Variants in ATP10A observed in about 807,000 individuals in gnomAD.
ATP10A encodes the protein phospholipid-transporting ATPase VA.
A neutral mutation model predicts 147.8 loss-of-function variants in ATP10A; 111 were observed. The ratio of observed to expected loss-of-function variants is 0.75; its 90% CI spans 0.64 to 0.88. The LOEUF (loss-of-function observed/expected upper bound fraction) is 0.88. Ranked by LOEUF, ATP10A falls within the 40% of genes least tolerant of loss-of-function variation. ATP10A has a pLI of 0.00. For synonymous variants in ATP10A, 875 were observed against 841.6 expected (o/e 1.04, Z -0.69); for missense variants, 1,927 against 1,959.0 (o/e 0.98, Z 0.31).
chr15:25,776,142 AAT>A, intron 2 of ATP10A, among the ~76,000 whole-genome samples: 1 of 152,354 alleles, frequency 6.6e-6, no homozygotes, highest in South Asian at 2.1e-4. Flanking sequence ...TTTTATATAA[AAT>A]TATCAGTCTA....
chr15:25,705,092 A>T (rs1220720869), intron 12 of ATP10A, among the ~76,000 whole-genome samples: 1 of 152,190 alleles, frequency 6.6e-6, no homozygotes, highest in East Asian at 1.9e-4. Flanking sequence ...GCATGGAGAG[A>T]ACGGAGATCC....
chr15:25,821,783 C>T (rs1567409748), intron 1 of ATP10A, among the ~76,000 whole-genome samples: 1 of 152,198 alleles, frequency 6.6e-6, no homozygotes, highest in Non-Finnish European at 1.5e-5. Context: ...TTGGGACAAA[C>T]ATGGGACACA....
In ATP10A at chr15:25,863,019, C is replaced by A. The variant is rs557991717; in HGVS notation, c.78G>T (p.Thr26=). The A allele has an allele frequency of 3.7e-4, 502 of 1,339,666 alleles. 2 individuals are homozygous for A. In the African/African-American group the frequency reaches 6.9e-3, roughly 19 times the overall value. 83.0% of individuals were successfully genotyped at this position (1,339,666 alleles called of 1,614,324 possible). A position where few individuals can be genotyped will look rare whatever the true frequency, so the allele number is the denominator to read the frequency against. ...GGGGCGGCAGCAGGTTGGAGCGCACCGTGCGCGTCCTGCCCTCTCGGCGCC... is the reference window on the plus strand; with the variant it reads ...GGGGCGGCAGCAGGTTGGAGCGCACAGTGCGCGTCCTGCCCTCTCGGCGCC... ...RRRRREGRTR[T]VRSNLLPPPG... is the part of the protein sequence containing the mutation. Residue 26 remains threonine (T), a synonymous_variant, in exon 1 of 21, where the codon ACG becomes ACT. Transcript: ENST00000555815.
At position 25,695,104 on chromosome 15, in the gene ATP10A, G is replaced by A; in HGVS notation, c.2803C>T (p.Gln935Ter). Residue 935 changes from glutamine to a stop codon, truncating the protein, a stop_gained, in exon 14 of 21, where the codon CAG (glutamine) becomes TAG (stop). Coordinates refer to ENST00000555815, the MANE Select transcript of ATP10A (RefSeq NM_024490.4). LOFTEE classifies it high-confidence loss of function. ...GGGGCTCTCTGGAGGCCTCTGGACTGCACGTAGCATAGGCACTGGTCTAGC... is the reference window on the plus strand; with the variant it reads ...GGGGCTCTCTGGAGGCCTCTGGACTACACGTAGCATAGGCACTGGTCTAGC... ...ALLDQCLCYVQSRGLQRAPEK... is the reference protein window; with the variant it reads ...ALLDQCLCYV 6.2e-7 allele frequency: 1 copy of A among 1,614,092 alleles called. No individual in the cohort carries two copies. The highest frequency in any genetic ancestry group is 8.5e-7 in the Non-Finnish European group (1 of 1,179,982).
Position 25,686,438 on chromosome 15 carries a change from A to G in ATP10A, c.3291+1265T>C, listed in dbSNP as rs1439813787. 1.9e-5 allele frequency among the ~76,000 whole-genome samples: 2 copies of G among 106,642 alleles called. 1 individual carries two copies. The highest frequency in any genetic ancestry group is 3.4e-5 in the Non-Finnish European group (2 of 59,360). The allele number at this position is 106,642 out of a possible 152,430, so 70.0% of individuals were successfully genotyped here. ...GAAGTTGAGGCTGCAGTAAGCTATG[A>G]TGGTGCCACTGCACTCCAGCCTGGG... is the stretch of plus-strand genomic sequence containing the variant. On this transcript the variant is annotated intron_variant, in intron 16 of 20. Transcript: ENST00000555815.
chr15:25,719,754 C>T (rs950793422), intron 7 of ATP10A, among the ~76,000 whole-genome samples: 2 of 152,078 alleles, frequency 1.3e-5, no homozygotes, highest in Non-Finnish European at 2.9e-5. Flanking sequence ...CAGGTAATGC[C>T]CCCTCCTGGG....
chr15:25,775,237 A>G (rs1889544225), intron 2 of ATP10A, among the ~76,000 whole-genome samples: 2 of 152,220 alleles, frequency 1.3e-5, no homozygotes, highest in Non-Finnish European at 2.9e-5. Flanking sequence ...GATAGAGACA[A>G]TTTTGGAAGC....
chr15:25,679,436 G>A lies in ATP10A; in HGVS notation c.4405C>T (p.Arg1469Cys), dbSNP rs147041252. ...TEQLADGQAGRGLPVQPHSGR... is the reference protein window; with the variant it reads ...TEQLADGQAGCGLPVQPHSGR... ...GAGTGGGGCTGGACAGGAAGTCCAC[G>A]TCCCGCTTGTCCATCTGCAAGCTGC... The change falls in exon 21 of 21, where the codon CGT becomes TGT. Residue 1469 changes from arginine (R) to cysteine (C), a missense_variant. Coordinates refer to ENST00000555815, the MANE Select transcript of ATP10A (RefSeq NM_024490.4). 244 of 1,613,952 alleles carry A rather than the reference G, an allele frequency of 1.5e-4. No homozygotes were observed. The highest frequency in any genetic ancestry group is 9.9e-4 in the Middle Eastern group (6 of 6,062).
intron 1 of ATP10A, among the ~76,000 whole-genome samples, chr15:25,786,705 A>C (rs1890181224): frequency 2.3e-5 from 3 of 129,812 alleles, no homozygotes; most frequent in South Asian, 2.5e-4. Flanking sequence ...GGCTCACTGC[A>C]AGCTCCGCCT....
At chr15:25,786,617 CTTTTTTTTT>C (rs35892408) in intron 1 of ATP10A, among the ~76,000 whole-genome samples, 3 of 68,868 alleles carry the variant, frequency 4.4e-5, no homozygotes, top group African/African-American at 1.3e-4. Context: ...TCATTATCAT[CTTTTTTTTT>C]TTTTTTTTTT....
intron 2 of ATP10A, among the ~76,000 whole-genome samples, chr15:25,747,648 T>C (rs1887918214): frequency 6.6e-6 from 1 of 152,110 alleles, no homozygotes; most frequent in South Asian, 2.1e-4. Context: ...AAAGGACAGA[T>C]TAATAGAAAA....
chr15:25,691,370 G>A (rs1222794557), intron 15 of ATP10A, among the ~76,000 whole-genome samples: 2 of 152,232 alleles, frequency 1.3e-5, no homozygotes, highest in East Asian at 1.9e-4. Context: ...GTATTGCTCC[G>A]TGTTCACGGA....
At chr15:25,825,056 C>T (rs914265104) in intron 1 of ATP10A, among the ~76,000 whole-genome samples, 2 of 152,120 alleles carry the variant, frequency 1.3e-5, no homozygotes, top group African/African-American at 4.8e-5. Flanking sequence ...AACCAGCTAC[C>T]GAAGGGCAAA....
At chr15:25,686,244 G>A (rs1403986569) in intron 16 of ATP10A, among the ~76,000 whole-genome samples, 2 of 119,368 alleles carry the variant, frequency 1.7e-5, no homozygotes, top group Non-Finnish European at 3.2e-5. Flanking sequence ...AGAAAGGCAG[G>A]TGTAGCCTCC....
intron 13 of ATP10A, among the ~76,000 whole-genome samples, chr15:25,695,470 T>C (rs550426403): frequency 8.6e-5 from 13 of 151,880 alleles, no homozygotes; most frequent in African/African-American, 1.9e-4. Flanking sequence ...CTACTAAAAA[T>C]ACAAAAAAAT....
intron 3 of ATP10A, among the ~76,000 whole-genome samples, chr15:25,730,635 G>C (rs112852555): frequency 0.015 from 2,335 of 152,258 alleles, 59 homozygotes; most frequent in African/African-American, 0.053. Flanking sequence ...TATGAATCAG[G>C]GTGTTCAGTC....
chr15:25,679,172 CTACTT>C lies in ATP10A; in HGVS notation c.*164_*168del. On this transcript the variant is annotated 3_prime_UTR_variant, in exon 21 of 21. Coordinates refer to ENST00000555815, the MANE Select transcript of ATP10A (RefSeq NM_024490.4). ...CTCTTCTTTTTCTTTTCAATATACTCTACTTAGAATTTTAAAAAATAAACTTTCTT... is the reference window on the plus strand; with the variant it reads ...CTCTTCTTTTTCTTTTCAATATACTCAGAATTTTAAAAAATAAACTTTCTT... 1 of 429,210 alleles carries C rather than the reference CTACTT, an allele frequency of 2.3e-6. No individual in the cohort carries two copies. The highest frequency in any genetic ancestry group is 3.6e-6 in the Non-Finnish European group (1 of 278,512). The allele number at this position is 429,210 out of a possible 1,614,324, so 26.6% of individuals were successfully genotyped here.
chr15:25,727,134 A>T (rs755788057), intron 4 of ATP10A, 26 bp downstream of exon 4: 1 of 1,537,588 alleles, frequency 6.5e-7, no homozygotes, highest in Non-Finnish European at 9.0e-7. Flanking sequence ...GTCTGGCGGC[A>T]GGTGGTGCCA....
intron 2 of ATP10A, among the ~76,000 whole-genome samples, chr15:25,769,212 C>T (rs144371251): frequency 6.6e-6 from 1 of 152,208 alleles, no homozygotes; most frequent in East Asian, 1.9e-4. Context: ...ATAGGCTGGG[C>T]ATGGTGGCTT....
Sources: gnomAD v4.1 joint callset for allele counts (sites outside exome capture counted in the v4.1 genomes callset) on GRCh38, gnomAD v4.1.1 for gene constraint, MANE v1.5 for transcripts, NCBI Gene and HGNC (gene_info 2026-07-23, HGNC 2026-07-21) for gene names.